The following GABRR2 variants were observed in gnomAD, a reference collection of about 807,000 sequenced individuals.
The protein encoded by GABRR2 is gamma-aminobutyric acid receptor subunit rho-2.
GABRR2 carries 36 observed loss-of-function variants against 47.0 expected under a neutral mutation model. The observed-to-expected ratio is 0.77, with a 90% CI of 0.59 to 1.01. The LOEUF is 1.01. Ranked by LOEUF, GABRR2 falls within the 50% of genes least tolerant of loss-of-function variation. The probability of loss-of-function intolerance (pLI) is 0.00; values close to 1 mark genes in which losing one functional copy is unlikely to be tolerated. For synonymous variants in GABRR2, 204 were observed against 227.5 expected, an observed-to-expected ratio of 0.90 and a Z score of 0.93; for missense variants, 587 against 594.6, an observed-to-expected ratio of 0.99 and a Z score of 0.13.
chr6:89,302,683 A>C, intron 1 of GABRR2: 13 of 1,309,880 alleles, frequency 9.9e-6, no homozygotes, highest in Non-Finnish European at 1.4e-5. Context: ...GACCGGCACC[A>C]CGGCTGCTAC....
chr6:89,280,444 A>G (rs1174184559), intron 2 of GABRR2, among the ~76,000 whole-genome samples: 1 of 151,732 alleles, frequency 6.6e-6, no homozygotes, highest in East Asian at 1.9e-4. Flanking sequence ...GACTCTGCCA[A>G]CCTCTTAGCA....
intron 2 of GABRR2, among the ~76,000 whole-genome samples, chr6:89,274,583 T>A (rs1221858402): frequency 1.3e-5 from 2 of 152,104 alleles, no homozygotes; most frequent in African/African-American, 4.8e-5. Flanking sequence ...AGAGAGGGGC[T>A]GGGCTGGGTG....
At chr6:89,309,774 C>A (rs10944440) in intron 1 of GABRR2, among the ~76,000 whole-genome samples, 46,614 of 151,144 alleles carry the variant, frequency 0.31, 7,328 homozygotes, top group Middle Eastern at 0.38. Context: ...GCTTCTTCTT[C>A]TTCTTATTAT....
Position 89,257,872 on chromosome 6 carries a change from G to A in GABRR2, c.1196C>T (p.Thr399Ile). The change falls in exon 9 of 9, where the codon ACA becomes ATA. Residue 399 changes from threonine to isoleucine, a missense_variant. Transcript: ENST00000402938. ...LAGYPRSHIL[T>I]EEERQDKIVV... ...TATTTTGTCTTGCCTTTCTTCTTCT[G>A]TCAGGATATGGCTTCTGGGGTACCC... 1 of 1,614,048 alleles carries A rather than the reference G, an allele frequency of 6.2e-7. No individual in the cohort carries two copies. The highest frequency in any genetic ancestry group is 2.2e-5 in the East Asian group (1 of 44,888).
Position 89,314,975 on chromosome 6 carries a change from C to CTG in GABRR2, c.113+76_113+77dup, listed in dbSNP as rs1767737704. 3 of 1,312,240 alleles carry CTG rather than the reference C, an allele frequency of 2.3e-6. No individual in the cohort carries two copies. The African/African-American group carries it at 4.4e-5, about 19-fold the overall frequency. The allele number at this position is 1,312,240 out of a possible 1,614,324, so 81.3% of individuals were successfully genotyped here. ...GATATCTCAATAGGACCTTAGCCCC[C>CTG]TGGGGAGCCATCCCACTGTGCCACT... On this transcript the variant is annotated intron_variant, in intron 1 of 8. Coordinates refer to ENST00000402938, the MANE Select transcript of GABRR2 (RefSeq NM_002043.5).
At chr6:89,302,024 G>A (rs963571764) in intron 1 of GABRR2, 29 of 679,224 alleles carry the variant, frequency 4.3e-5, no homozygotes, top group Middle Eastern at 5.1e-4. Context: ...GGGGCCTTTT[G>A]GACATTTTTT....
At chr6:89,282,050 G>A (rs1377077984) in intron 2 of GABRR2, among the ~76,000 whole-genome samples, 2 of 152,034 alleles carry the variant, frequency 1.3e-5, no homozygotes, top group Admixed American at 6.6e-5. Flanking sequence ...CCTCCATCAC[G>A]ACTGCATCAC....
At chr6:89,308,548 AAGTT>A (rs1304580888) in intron 1 of GABRR2, among the ~76,000 whole-genome samples, 4 of 152,146 alleles carry the variant, frequency 2.6e-5, no homozygotes, top group Non-Finnish European at 4.4e-5. Context: ...GCTAATATAA[AAGTT>A]AGCCTGCCCA....
intron 1 of GABRR2, among the ~76,000 whole-genome samples, chr6:89,300,473 C>T (rs116567055): frequency 1.3e-5 from 2 of 151,014 alleles, no homozygotes; most frequent in African/African-American, 2.4e-5. Context: ...TTGCGCCACC[C>T]GGGTGATAGA....
intron 2 of GABRR2, among the ~76,000 whole-genome samples, chr6:89,274,646 C>A (rs971339965): frequency 6.6e-6 from 1 of 152,148 alleles, no homozygotes; most frequent in Middle Eastern, 3.4e-3. Context: ...GTGGGTGGAT[C>A]ATCTGAACCT....
intron 1 of GABRR2, among the ~76,000 whole-genome samples, chr6:89,314,705 G>A (rs1767733117): frequency 6.6e-6 from 1 of 152,148 alleles, no homozygotes; most frequent in Non-Finnish European, 1.5e-5. Flanking sequence ...TTATTTAGCA[G>A]GTCATCGGTT....
intron 3 of GABRR2, chr6:89,270,364 T>C (rs282121): frequency 0.66 from 99,609 of 152,056 alleles, 33,104 homozygotes; most frequent in African/African-American, 0.78. Context: ...GGTTGCTCTG[T>C]GAGAGGCAGG....
intron 2 of GABRR2, among the ~76,000 whole-genome samples, chr6:89,284,146 A>G (rs1562372518): frequency 6.6e-6 from 1 of 152,170 alleles, no homozygotes; most frequent in Non-Finnish European, 1.5e-5. Flanking sequence ...AGAGGTCAGA[A>G]AAATGGTTAC....
intron 8 of GABRR2, among the ~76,000 whole-genome samples, chr6:89,258,882 ATGCAT>A (rs1213251208): frequency 6.8e-6 from 1 of 146,474 alleles, no homozygotes; most frequent in Non-Finnish European, 1.5e-5. Context: ...AAAATGTATT[ATGCAT>A]TGAATGCATA....
intron 1 of GABRR2, chr6:89,302,797 T>A: frequency 6.9e-7 from 1 of 1,440,188 alleles, no homozygotes; most frequent in Non-Finnish European, 9.6e-7. Flanking sequence ...GTGGAGTGGA[T>A]CCCCAACAAC....
At chr6:89,259,853 G>A (rs1435223905) in intron 8 of GABRR2, among the ~76,000 whole-genome samples, 3 of 149,708 alleles carry the variant, frequency 2.0e-5, no homozygotes, top group African/African-American at 7.4e-5. Flanking sequence ...GGGAATTGGG[G>A]ATAAAAGGTA....
chr6:89,261,587 A>G (rs1773746901), intron 8 of GABRR2, among the ~76,000 whole-genome samples: 1 of 152,262 alleles, frequency 6.6e-6, no homozygotes, highest in Non-Finnish European at 1.5e-5. Context: ...CTTTATGGCC[A>G]TAAGATACCA....
intron 1 of GABRR2, among the ~76,000 whole-genome samples, chr6:89,308,177 G>A (rs772598015): frequency 2.6e-5 from 4 of 152,122 alleles, no homozygotes; most frequent in Non-Finnish European, 5.9e-5. Flanking sequence ...GGAAAGTGAT[G>A]GTTTCCTCTC....
At chr6:89,299,988 C>T (rs1044423116) in intron 1 of GABRR2, 123 bp from the exon 2 acceptor site, 1 of 659,718 alleles carries the variant, frequency 1.5e-6, no homozygotes, top group Non-Finnish European at 2.7e-6. Context: ...TACTTCTTGG[C>T]CCAGGGGAGA....
Sources: gnomAD v4.1 joint callset for allele counts (sites outside exome capture counted in the v4.1 genomes callset) on GRCh38, gnomAD v4.1.1 for gene constraint, MANE v1.5 for transcripts, NCBI Gene and HGNC (gene_info 2026-07-23, HGNC 2026-07-21) for gene names.